The following HDAC9 variants were observed in gnomAD, a reference collection of about 807,000 sequenced individuals.
The protein encoded by HDAC9 is MEF-2 interacting transcription repressor (MITR) protein.
In HDAC9, 41 loss-of-function variants were observed where a neutral mutation model predicts 139.4. The ratio of observed to expected loss-of-function variants is 0.29; its 90% confidence interval spans 0.23 to 0.38. HDAC9 has a LOEUF of 0.38. Among genes scored for constraint, HDAC9 ranks in the 10% least tolerant of loss-of-function variants. The pLI is 1.00. For missense variants in HDAC9, 1,147 were observed against 1,297.0 expected (o/e 0.88, Z 1.78); for synonymous variants, 517 against 476.2 (o/e 1.09, Z -1.12).
chr7:18,724,401 A>T (rs1785371230), intron 12 of HDAC9, among the ~76,000 whole-genome samples: 3 of 152,188 alleles, frequency 2.0e-5, no homozygotes, highest in Admixed American at 6.6e-5. Flanking sequence ...ATAAACATAG[A>T]AAAGGTACAA....
At chr7:18,544,217 G>C (rs1205867813) in intron 2 of HDAC9, among the ~76,000 whole-genome samples, 1 of 152,150 alleles carries the variant, frequency 6.6e-6, no homozygotes. Context: ...GAAGTTATCA[G>C]ATTTGAAGGA....
At chr7:18,209,998 C>A (rs1791823963) in intron 2 of HDAC9, among the ~76,000 whole-genome samples, 1 of 148,230 alleles carries the variant, frequency 6.7e-6, no homozygotes, top group African/African-American at 2.4e-5. Context: ...CCGCGCCCGG[C>A]CAAGAGAAGG....
intron 2 of HDAC9, among the ~76,000 whole-genome samples, chr7:18,185,825 G>A (rs1789868078): frequency 6.6e-6 from 1 of 152,062 alleles, no homozygotes; most frequent in Admixed American, 6.5e-5. Flanking sequence ...CGATTATCTC[G>A]GGCATTTTTT....
At chr7:18,346,948 A>G (rs1430773997) in intron 1 of HDAC9, among the ~76,000 whole-genome samples, 1 of 152,138 alleles carries the variant, frequency 6.6e-6, no homozygotes, top group African/African-American at 2.4e-5. Flanking sequence ...TTCCTAATTC[A>G]TGGGTGTGGC....
At chr7:18,762,776 C>G (rs1386586768) in intron 15 of HDAC9, among the ~76,000 whole-genome samples, 2 of 152,048 alleles carry the variant, frequency 1.3e-5, no homozygotes, top group Admixed American at 6.6e-5. Context: ...CTATTTATTG[C>G]CTTACCTTTG....
At chr7:18,385,776 A>G (rs1026898921) in intron 1 of HDAC9, among the ~76,000 whole-genome samples, 1 of 152,118 alleles carries the variant, frequency 6.6e-6, no homozygotes, top group Non-Finnish European at 1.5e-5. Context: ...TTTTAAATAC[A>G]TTTTATAATA....
At chr7:18,742,542 A>G (rs1787557182) in intron 13 of HDAC9, among the ~76,000 whole-genome samples, 1 of 152,182 alleles carries the variant, frequency 6.6e-6, no homozygotes. Flanking sequence ...CTTTATTGTG[A>G]TATTTGCTTT....
intron 22 of HDAC9, among the ~76,000 whole-genome samples, chr7:18,876,102 A>G (rs1408447230): frequency 6.6e-6 from 1 of 152,164 alleles, no homozygotes; most frequent in African/African-American, 2.4e-5. Context: ...TTTTTGGCCA[A>G]GTCAAGTTCA....
At chr7:18,187,804 C>A (rs1016716057) in intron 2 of HDAC9, among the ~76,000 whole-genome samples, 13 of 152,126 alleles carry the variant, frequency 8.5e-5, no homozygotes, top group Non-Finnish European at 1.9e-4. Context: ...TCAGTAATCA[C>A]AAGGCATTCC....
intron 2 of HDAC9, among the ~76,000 whole-genome samples, chr7:18,527,237 G>T (rs954988460): frequency 6.6e-6 from 1 of 152,100 alleles, no homozygotes. Flanking sequence ...AATGCTACCT[G>T]ATACTAATTT....
At chr7:18,340,070 T>A (rs561731236) in intron 1 of HDAC9, among the ~76,000 whole-genome samples, 65 of 151,674 alleles carry the variant, frequency 4.3e-4, no homozygotes, top group Middle Eastern at 3.4e-3. Context: ...TTTGGAACCT[T>A]TTTTATTAGG....
rs138703327 is a variant in HDAC9, at chr7:18,197,832, G to C, written c.25+35483G>C. Among the ~76,000 whole-genome samples, 510 of 152,214 alleles carry C rather than the reference G, an allele frequency of 3.4e-3. 4 individuals carry two copies. Among genetic ancestry groups the C allele is most frequent in the African/African-American group, 0.012 (500 of 41,542 alleles). ...TTCTTCATTTTCCACTTGAGACAAA[G>C]CCTTTTAAGGAAAACTGAACCAGGA... is the stretch of plus-strand genomic sequence containing the variant. On this transcript the variant is annotated intron_variant, in intron 2 of 12. Coordinates refer to the HDAC9 transcript ENST00000417496.
At chr7:18,205,038 T>C (rs1791397260) in intron 2 of HDAC9, among the ~76,000 whole-genome samples, 1 of 152,012 alleles carries the variant, frequency 6.6e-6, no homozygotes, top group African/African-American at 2.4e-5. Flanking sequence ...CGGATACATA[T>C]ATGCACAAAT....
chr7:18,244,585 T>G (rs1002342498), intron 2 of HDAC9, among the ~76,000 whole-genome samples: 4 of 152,080 alleles, frequency 2.6e-5, no homozygotes, highest in Non-Finnish European at 5.9e-5. Context: ...GATTACAAGG[T>G]CAGGAGTTCG....
intron 17 of HDAC9, among the ~76,000 whole-genome samples, chr7:18,820,106 T>C (rs13227916): frequency 0.045 from 6,815 of 152,178 alleles, 192 homozygotes; most frequent in African/African-American, 0.066. Flanking sequence ...TTTCATAAAA[T>C]GAAAAAATTT....
intron 1 of HDAC9, among the ~76,000 whole-genome samples, chr7:18,341,923 A>C (rs10270707): frequency 0.015 from 2,210 of 151,940 alleles, 55 homozygotes; most frequent in African/African-American, 0.05. Flanking sequence ...CCAGTCAGGC[A>C]TGACTAGAGT....
intron 16 of HDAC9, among the ~76,000 whole-genome samples, chr7:18,770,149 G>A (rs1452449408): frequency 4.6e-5 from 7 of 152,060 alleles, no homozygotes; most frequent in African/African-American, 1.7e-4. Context: ...CAGCTCAGTG[G>A]ATAAATGGTA....
chr7:18,393,921 A>G (rs1439309542), intron 1 of HDAC9, among the ~76,000 whole-genome samples: 1 of 152,162 alleles, frequency 6.6e-6, no homozygotes, highest in East Asian at 1.9e-4. Context: ...CTTAGAGTTT[A>G]ATGTGAGTTA....
chr7:18,137,394 G>A (rs1785505769), intron 1 of HDAC9, among the ~76,000 whole-genome samples: 1 of 150,740 alleles, frequency 6.6e-6, no homozygotes, highest in Non-Finnish European at 1.5e-5. Flanking sequence ...GTTTTCAAAG[G>A]GAATGCTTCC....
Sources: allele counts gnomAD v4.1 joint callset (sites outside exome capture counted in the v4.1 genomes callset), GRCh38; gene constraint gnomAD v4.1.1; transcripts MANE v1.5; gene names NCBI Gene and HGNC (gene_info 2026-07-23, HGNC 2026-07-21).